RPS27A: variants seen among roughly 807,000 people sequenced by gnomAD.
RPS27A encodes the protein ubiquitin-ribosomal protein eS31 fusion protein.
RPS27A carries 1 observed loss-of-function variant against 18.9 expected under a neutral mutation model. The observed-to-expected ratio is 0.05, with a 90% confidence interval of 0.02 to 0.25. The LOEUF (loss-of-function observed/expected upper bound fraction) is 0.25. RPS27A is among the 10% of genes least tolerant of loss of function. The pLI is 1.00. For missense variants in RPS27A, 123 were observed against 187.4 expected, an observed-to-expected ratio of 0.66 and a Z score of 2.01; for synonymous variants, 77 against 63.7, an observed-to-expected ratio of 1.21 and a Z score of -0.99.
At chr2:55,232,581 G>T, upstream of RPS27A, 1 of 587,610 alleles carries the variant, frequency 1.7e-6, no homozygotes, top group Non-Finnish European at 3.1e-6. Context: ...CTGGCACCGG[G>T]TTGGATTGTC....
intron 5 of RPS27A, 103 bp from the exon 6 acceptor site, chr2:55,235,325 C>G (rs1488505181): frequency 7.7e-7 from 1 of 1,293,766 alleles, no homozygotes; most frequent in Non-Finnish European, 1.1e-6. Flanking sequence ...AGCACCAAAA[C>G]CACCAGTATT....
chr2:55,233,076 G>A (rs945378706), intron 2 of RPS27A: 3 of 654,764 alleles, frequency 4.6e-6, no homozygotes, highest in Non-Finnish European at 8.3e-6. Context: ...CCTCTCGAGG[G>A]GTTCCAGCTA....
At position 55,232,714 on chromosome 2, in the gene RPS27A, T is replaced by A. The variant is rs1573824713; in HGVS notation, c.-18+6T>A. ...TTTTCGATCCGCCATCTGCGGTGGG[T>A]GTCTGCACTTCGGCTGCTCTCGGGT... On this transcript the variant is annotated splice_donor_region_variant and intron_variant, in intron 1 of 5. Transcript: ENST00000272317. The A allele has an allele frequency of 3.2e-6, 3 of 932,974 alleles. No homozygotes were observed. Among genetic ancestry groups the A allele is most frequent in the African/African-American group, 1.6e-5 (1 of 61,510 alleles). The allele number at this position is 932,974 out of a possible 1,614,324, so 57.8% of individuals were successfully genotyped here.
chr2:55,234,253 G>C, intron 4 of RPS27A, 49 bp downstream of exon 4: 1 of 1,391,796 alleles, frequency 7.2e-7, no homozygotes, highest in Non-Finnish European at 1.0e-6. Context: ...ATGTTATTTT[G>C]GAAATTTTTT....
chr2:55,233,137 G>C (rs1327983020), intron 2 of RPS27A: 1 of 637,702 alleles, frequency 1.6e-6, no homozygotes, highest in East Asian at 2.7e-5. Context: ...TCTGCCCGCC[G>C]GGTGCGAGCA....
intron 3 of RPS27A, 46 bp from the exon 4 acceptor site, chr2:55,234,073 C>T: frequency 7.8e-7 from 1 of 1,282,670 alleles, no homozygotes; most frequent in African/African-American, 1.5e-5. Flanking sequence ...TGGAGCACAT[C>T]ACAGGCTTGG....
In RPS27A at chr2:55,233,139, G is replaced by A. The variant is rs548811915; in HGVS notation, c.49-224G>A. 1.4e-4 allele frequency: 88 copies of A among 638,796 alleles called. No individual in the cohort carries two copies. The African/African-American group carries it at 1.4e-3, about 10-fold the overall frequency. The allele number at this position is 638,796 out of a possible 1,614,324, so 39.6% of individuals were successfully genotyped here. A position where few individuals can be genotyped will look rare whatever the true frequency, so the allele number is the denominator to read the frequency against. On this transcript the variant is annotated intron_variant, in intron 2 of 5. Transcript: ENST00000272317. Reference sequence around the variant, plus strand: ...GGGAAGGAGACGCTCTGCCCGCCGGGTGCGAGCACGTGTGGCCCTGCGGCC... The same window carrying A: ...GGGAAGGAGACGCTCTGCCCGCCGGATGCGAGCACGTGTGGCCCTGCGGCC...
Position 55,233,379 on chromosome 2 carries a change from C to G in RPS27A, c.65C>G (p.Thr22Arg). 6.2e-7 allele frequency: 1 copy of G among 1,613,000 alleles called. No individual in the cohort carries two copies. The highest frequency in any genetic ancestry group is 1.7e-4 in the Middle Eastern group (1 of 6,046). ...TITLEVEPSD[T>R]IENVKAKIQD... ...CACTCATAGGTTGAACCCTCGGATA[C>G]GATAGAAAATGTAAAGGCCAAGATC... is the stretch of plus-strand genomic sequence containing the variant. Residue 22 changes from threonine to arginine, a missense_variant, in exon 3 of 6, where the codon ACG (threonine) becomes AGG (arginine). Thr to Arg is a moderately conservative substitution (Grantham distance 71). Transcript: ENST00000272317.
In RPS27A at chr2:55,234,927, A is replaced by G. The variant is rs1675714300; in HGVS notation, c.286A>G (p.Lys96Glu). The G allele has an allele frequency of 1.2e-6, 2 of 1,613,284 alleles. No homozygotes were observed. Among genetic ancestry groups the G allele is most frequent in the Non-Finnish European group, 8.5e-7 (1 of 1,179,862 alleles). ...TTPKKNKHKRKKVKLAVLKYY... is the reference protein window; with the variant it reads ...TTPKKNKHKREKVKLAVLKYY... The stretch of plus-strand genomic sequence containing the variant: ...TCCCAAGAAGAATAAGCACAAGAGA[A>G]AGAAGGTTAAGCTGGCTGTCCTGAA... Residue 96 changes from lysine to glutamate, a missense_variant, in exon 5 of 6, where the codon AAG becomes GAG. Lys to Glu is a moderately conservative substitution (Grantham distance 56, BLOSUM62 1). Coordinates refer to ENST00000272317, the MANE Select transcript of RPS27A (RefSeq NM_002954.6).
chr2:55,234,294 C>T (rs949173097), intron 4 of RPS27A, 90 bp downstream of exon 4: 1 of 920,244 alleles, frequency 1.1e-6, no homozygotes. Context: ...GGCTCTGACT[C>T]TGTCACCTAG....
intron 5 of RPS27A, chr2:55,235,192 C>T: frequency 4.3e-6 from 3 of 693,256 alleles, no homozygotes; most frequent in Non-Finnish European, 7.2e-6. Context: ...GGTTTGGGTT[C>T]AGGTCTTTAC....
In RPS27A at chr2:55,233,428, T is replaced by G. The variant is rs371795388; in HGVS notation, c.103+11T>G. On this transcript the variant is annotated intron_variant, in intron 3 of 5. Coordinates refer to ENST00000272317, the MANE Select transcript of RPS27A (RefSeq NM_002954.6). ...TCCAGGATAAGGAAGGCAAGTAGTA[T>G]TTTGTAGTTAAGAAAACTTAACCTG... 18 of 1,608,662 alleles carry G rather than the reference T, an allele frequency of 1.1e-5. No individual in the cohort carries two copies. Among genetic ancestry groups the G allele is most frequent in the African/African-American group, 4.0e-5 (3 of 74,804 alleles).
intron 4 of RPS27A, 32 bp from the exon 5 acceptor site, chr2:55,234,799 C>T: frequency 6.2e-7 from 1 of 1,611,172 alleles, no homozygotes; most frequent in East Asian, 2.2e-5. Context: ...TTAGTGGAAT[C>T]ATGAAAGCTT....
In RPS27A at chr2:55,232,721, A is replaced by T; in HGVS notation, c.-18+13A>T. 1 of 1,021,696 alleles carries T rather than the reference A, an allele frequency of 9.8e-7. No individual in the cohort carries two copies. The highest frequency in any genetic ancestry group is 1.5e-6 in the Non-Finnish European group (1 of 661,972). 63.3% of individuals were successfully genotyped at this position (1,021,696 alleles called of 1,614,324 possible). A position where few individuals can be genotyped will look rare whatever the true frequency, so the allele number is the denominator to read the frequency against. On this transcript the variant is annotated intron_variant, in intron 1 of 5. Transcript: ENST00000272317. The stretch of plus-strand genomic sequence containing the variant: ...TCCGCCATCTGCGGTGGGTGTCTGC[A>T]CTTCGGCTGCTCTCGGGTTAGCACC...
intron 4 of RPS27A, 133 bp from the exon 5 acceptor site, chr2:55,234,698 T>TAA: frequency 1.0e-6 from 1 of 961,974 alleles, no homozygotes; most frequent in Non-Finnish European, 1.6e-6. Flanking sequence ...GATACTTTAT[T>TAA]GGGTTTGGGG....
At chr2:55,234,756 T>C in intron 4 of RPS27A, 75 bp from the exon 5 acceptor site, 1 of 1,561,586 alleles carries the variant, frequency 6.4e-7, no homozygotes, top group Non-Finnish European at 8.8e-7. Context: ...CTGCTTTTAA[T>C]TAGAAAATGC....
intron 3 of RPS27A, 185 bp downstream of exon 3, chr2:55,233,602 T>C (rs1292314647): frequency 4.8e-6 from 3 of 626,338 alleles, no homozygotes; most frequent in Non-Finnish European, 8.6e-6. Context: ...ATCCTTGAGG[T>C]GTATTTCACT....
At position 55,235,458 on chromosome 2, in the gene RPS27A, C is replaced by T. The variant is rs569250342; in HGVS notation, c.352C>T (p.Arg118Cys). Residue 118 changes from arginine (R) to cysteine (C), a missense_variant, in exon 6 of 6, where the codon CGT becomes TGT. Around this residue, in one of 2 missense-constraint regions of RPS27A, gnomAD observed 57 missense variants for 114.8 expected, o/e 0.50. Coordinates refer to ENST00000272317, the MANE Select transcript of RPS27A (RefSeq NM_002954.6). ...VDENGKISRLRRECPSDECGA... is the reference protein window; with the variant it reads ...VDENGKISRLCRECPSDECGA... ...TGAGAATGGCAAAATTAGTCGCCTT[C>T]GTCGAGAGTGCCCTTCTGATGAATG... is the stretch of plus-strand genomic sequence containing the variant. 9.3e-6 allele frequency: 15 copies of T among 1,611,908 alleles called. No individual in the cohort carries two copies. Among genetic ancestry groups the T allele is most frequent in the South Asian group, 8.8e-5 (8 of 90,994 alleles).
At chr2:55,234,077 G>C in intron 3 of RPS27A, 42 bp from the exon 4 acceptor site, 1 of 1,308,188 alleles carries the variant, frequency 7.6e-7, no homozygotes. Context: ...GCACATCACA[G>C]GCTTGGTGTG....
Sources: gnomAD v4.1 joint callset for allele counts on GRCh38, gnomAD v4.1.1 for gene constraint, gnomAD v4.1.1 regional missense constraint, MANE v1.5 for transcripts, NCBI Gene and HGNC (gene_info 2026-07-23, HGNC 2026-07-21) for gene names.